GAB2: variants seen among roughly 807,000 people sequenced by gnomAD.
GAB2 encodes the protein GRB2 associated binding protein 2.
Under a neutral mutation model 65.5 loss-of-function variants are expected in GAB2, and 26 were observed. That is an observed-to-expected ratio of 0.40 (90% confidence interval 0.29 to 0.55). The LOEUF (loss-of-function observed/expected upper bound fraction) is 0.55, where lower values mean the gene tolerates loss of function less well. Ranked by LOEUF, GAB2 falls within the 20% of genes least tolerant of loss-of-function variation. The pLI is 0.53. For missense variants in GAB2, 884 were observed against 875.8 expected (o/e 1.01, Z -0.12); for synonymous variants, 321 against 329.6 (o/e 0.97, Z 0.28).
intron 1 of GAB2, among the ~76,000 whole-genome samples, chr11:78,358,782 A>C (rs1856395323): frequency 6.6e-6 from 1 of 152,206 alleles, no homozygotes; most frequent in Admixed American, 6.5e-5. Context: ...ACAGCCAGGA[A>C]AAACTGATGA....
At position 78,336,416 on chromosome 11, in the gene GAB2, T is replaced by C. The variant is rs138349598; in HGVS notation, c.76-55515A>G. Among the ~76,000 whole-genome samples the C allele has an allele frequency of 2.7e-5, 4 of 148,298 alleles. No homozygotes were observed. In the East Asian group the frequency reaches 7.9e-4, roughly 29 times the overall value. ...CACTGTTGACATATAGAAATGCTAC[T>C]GATTTTTGTATGCTGATTTTGTATC... On this transcript the variant is annotated intron_variant, in intron 1 of 9. Transcript: ENST00000361507.
intron 1 of GAB2, among the ~76,000 whole-genome samples, chr11:78,298,509 G>C (rs1243898210): frequency 2.0e-5 from 3 of 152,198 alleles, no homozygotes; most frequent in African/African-American, 7.2e-5. Context: ...AAAAAGCCCT[G>C]TATCAGTAAT....
intron 1 of GAB2, among the ~76,000 whole-genome samples, chr11:78,304,202 T>C (rs1855300201): frequency 6.6e-6 from 1 of 152,166 alleles, no homozygotes; most frequent in South Asian, 2.1e-4. Context: ...TTTTATTTTT[T>C]AATGAGATAT....
intron 1 of GAB2, among the ~76,000 whole-genome samples, chr11:78,301,142 T>C (rs533506220): frequency 2.6e-5 from 4 of 152,308 alleles, no homozygotes; most frequent in Admixed American, 2.6e-4. Context: ...TATTGAGTTA[T>C]AAGTCCTTTA....
intron 2 of GAB2, among the ~76,000 whole-genome samples, chr11:78,257,009 G>GT (rs34131674): frequency 2.1e-3 from 308 of 148,414 alleles, no homozygotes; most frequent in Middle Eastern, 0.014. Flanking sequence ...CTTTTAAACA[G>GT]TTTTTTTTTT....
chr11:78,292,029 TGAGA>T, intron 1 of GAB2, among the ~76,000 whole-genome samples: 2 of 106,004 alleles, frequency 1.9e-5, no homozygotes, highest in South Asian at 6.0e-4. Flanking sequence ...TGTGTGTGTG[TGAGA>T]GAGAGAGAGT....
chr11:78,237,041 G>A (rs1222399673), intron 3 of GAB2, among the ~76,000 whole-genome samples: 2 of 152,074 alleles, frequency 1.3e-5, no homozygotes, highest in African/African-American at 4.8e-5. Context: ...TTGATAGTAG[G>A]GTTATGCTGG....
At chr11:78,294,104 T>A (rs1332779808) in intron 1 of GAB2, among the ~76,000 whole-genome samples, 1 of 152,116 alleles carries the variant, frequency 6.6e-6, no homozygotes, top group Non-Finnish European at 1.5e-5. Context: ...GTGTGTGATG[T>A]TCCCCTTTTT....
At chr11:78,374,373 A>G (rs1856607594) in intron 1 of GAB2, among the ~76,000 whole-genome samples, 1 of 152,196 alleles carries the variant, frequency 6.6e-6, no homozygotes, top group African/African-American at 2.4e-5. Context: ...AACTCATTAT[A>G]AAACTATGTC....
chr11:78,396,893 G>A (rs765121289), intron 1 of GAB2, among the ~76,000 whole-genome samples: 4 of 152,060 alleles, frequency 2.6e-5, no homozygotes, highest in Non-Finnish European at 4.4e-5. Context: ...CACTGCACCC[G>A]GCCAGGGAAA....
chr11:78,378,163 C>G (rs1339166256), intron 1 of GAB2, among the ~76,000 whole-genome samples: 14 of 152,162 alleles, frequency 9.2e-5, no homozygotes, highest in Admixed American at 9.2e-4. Context: ...AAGTAAGGAC[C>G]TTGCCTTTTA....
At chr11:78,375,386 C>G (rs989746231) in intron 1 of GAB2, among the ~76,000 whole-genome samples, 1 of 152,064 alleles carries the variant, frequency 6.6e-6, no homozygotes, top group African/African-American at 2.4e-5. Context: ...GATCCATACA[C>G]AGTTTGAAAA....
In GAB2 at chr11:78,219,245, C is replaced by G. The variant is rs2134448552; in HGVS notation, c.*27G>C. On this transcript the variant is annotated 3_prime_UTR_variant, in exon 10 of 10. Coordinates refer to ENST00000361507, the MANE Select transcript of GAB2 (RefSeq NM_080491.3). ...GAAGGGCCAGCTCTGGAGATGCTGC[C>G]TCCTGGGCTCTGCGGTGGCCCTCTC... is the stretch of plus-strand genomic sequence containing the variant. 1.2e-6 allele frequency: 2 copies of G among 1,609,948 alleles called. No homozygotes were observed. Among genetic ancestry groups the G allele is most frequent in the Non-Finnish European group, 1.7e-6 (2 of 1,178,486 alleles).
At chr11:78,372,224 G>A (rs1025448591) in intron 1 of GAB2, among the ~76,000 whole-genome samples, 8 of 152,052 alleles carry the variant, frequency 5.3e-5, no homozygotes, top group Non-Finnish European at 1.2e-4. Flanking sequence ...TTTCACCTTA[G>A]CCTCTCTCTG....
At chr11:78,385,752 T>C (rs112048691) in intron 1 of GAB2, among the ~76,000 whole-genome samples, 7 of 152,144 alleles carry the variant, frequency 4.6e-5, no homozygotes, top group Non-Finnish European at 7.3e-5. Context: ...AAAGTTACCA[T>C]GTAGAGATTG....
At chr11:78,390,005 A>C (rs1856815512) in intron 1 of GAB2, among the ~76,000 whole-genome samples, 1 of 152,192 alleles carries the variant, frequency 6.6e-6, no homozygotes, top group Non-Finnish European at 1.5e-5. Context: ...ACCACCACAT[A>C]AATTCAGTAG....
At chr11:78,336,257 T>C (rs1855995941) in intron 1 of GAB2, among the ~76,000 whole-genome samples, 1 of 134,098 alleles carries the variant, frequency 7.5e-6, no homozygotes, top group African/African-American at 2.8e-5. Context: ...GAGGTTGCAG[T>C]GAGCCAAGAT....
intron 1 of GAB2, among the ~76,000 whole-genome samples, chr11:78,352,639 G>T (rs1856296508): frequency 6.6e-6 from 1 of 152,046 alleles, no homozygotes; most frequent in African/African-American, 2.4e-5. Context: ...TTGCCCCAGG[G>T]GCTGAATCAA....
chr11:78,279,012 T>G (rs1866254975), intron 2 of GAB2, among the ~76,000 whole-genome samples: 1 of 152,036 alleles, frequency 6.6e-6, no homozygotes, highest in Admixed American at 6.6e-5. Context: ...GAATATGCAT[T>G]GCTCTCCATC....
Sources: gnomAD v4.1 joint callset for allele counts (sites outside exome capture counted in the v4.1 genomes callset) on GRCh38, gnomAD v4.1.1 for gene constraint, MANE v1.5 for transcripts, NCBI Gene and HGNC (gene_info 2026-07-23, HGNC 2026-07-21) for gene names.